The following RPS6KC1 variants were observed in gnomAD, a reference collection of about 807,000 sequenced individuals.
RPS6KC1 encodes inactive ribosomal protein S6 kinase delta-1.
RPS6KC1 carries 54 observed loss-of-function variants against 103.8 expected under a neutral mutation model. That is an observed-to-expected ratio of 0.52 (90% CI 0.42 to 0.65). The LOEUF (loss-of-function observed/expected upper bound fraction) is 0.65. Ranked by LOEUF, RPS6KC1 falls within the 30% of genes least tolerant of loss-of-function variation. The pLI, the probability that RPS6KC1 is intolerant of heterozygous loss-of-function variation, is 0.00. For synonymous variants in RPS6KC1, 439 were observed against 438.7 expected (o/e 1.00, Z -0.01); for missense variants, 1,151 against 1,253.8 (o/e 0.92, Z 1.24).
chr1:213,733,483 T>C, the RPS6KC1 span, among the ~76,000 whole-genome samples: 11 of 151,834 alleles, frequency 7.2e-5, no homozygotes, highest in Admixed American at 7.2e-4. Context: ...GCGATCATCC[T>C]GCTTTGGCCT....
chr1:213,671,487 T>C, the RPS6KC1 span, among the ~76,000 whole-genome samples: 4 of 152,140 alleles, frequency 2.6e-5, no homozygotes, highest in Non-Finnish European at 5.9e-5. Flanking sequence ...GAACAATGCA[T>C]TGAATATTTC....
chr1:213,656,465 G>A, the RPS6KC1 span, among the ~76,000 whole-genome samples: 18 of 152,314 alleles, frequency 1.2e-4, no homozygotes, highest in South Asian at 3.5e-3. Flanking sequence ...AACAGCAGTG[G>A]AGACAGAACT....
chr1:213,604,594 G>T, the RPS6KC1 span, among the ~76,000 whole-genome samples: 1 of 152,176 alleles, frequency 6.6e-6, no homozygotes, highest in Non-Finnish European at 1.5e-5. Flanking sequence ...TCCTTCCAGG[G>T]ACTGGAGTCC....
chr1:213,511,687 A>G, the RPS6KC1 span, among the ~76,000 whole-genome samples: 3 of 152,050 alleles, frequency 2.0e-5, no homozygotes, highest in East Asian at 3.9e-4. Flanking sequence ...CCTCCAATAA[A>G]CTAGAGACTG....
At chr1:213,260,480 T>C (rs1164300215) in intron 12 of RPS6KC1, among the ~76,000 whole-genome samples, 1 of 152,214 alleles carries the variant, frequency 6.6e-6, no homozygotes, top group Non-Finnish European at 1.5e-5. Context: ...GCTCAAGCTA[T>C]TTTGTAAGTT....
At chr1:213,686,652 C>T in the RPS6KC1 span, among the ~76,000 whole-genome samples, 1 of 152,060 alleles carries the variant, frequency 6.6e-6, no homozygotes, top group Non-Finnish European at 1.5e-5. Context: ...AGGGAGGTTC[C>T]ATCTTTTTGT....
chr1:213,591,337 G>A, the RPS6KC1 span, among the ~76,000 whole-genome samples: 6 of 152,128 alleles, frequency 3.9e-5, no homozygotes, highest in East Asian at 1.2e-3. Context: ...CAAAACCCCC[G>A]AAGTTTACTC....
At chr1:213,246,589 ATCATTTGAT>A (rs1290728912) in intron 12 of RPS6KC1, among the ~76,000 whole-genome samples, 1 of 152,294 alleles carries the variant, frequency 6.6e-6, no homozygotes, top group East Asian at 1.9e-4. Context: ...TATGTGCTTT[ATCATTTGAT>A]TTATTAACTT....
At chr1:213,247,135 G>A (rs182243699) in intron 12 of RPS6KC1, among the ~76,000 whole-genome samples, 2 of 152,234 alleles carry the variant, frequency 1.3e-5, no homozygotes, top group Admixed American at 1.3e-4. Context: ...TTTCACACTT[G>A]AGAATTTATA....
intron 14 of RPS6KC1, among the ~76,000 whole-genome samples, chr1:213,263,462 T>G (rs2094844709): frequency 6.6e-6 from 1 of 152,234 alleles, no homozygotes; most frequent in Non-Finnish European, 1.5e-5. Flanking sequence ...TATTGAGGGT[T>G]GTTAGTACTC....
At chr1:213,634,568 A>G in the RPS6KC1 span, among the ~76,000 whole-genome samples, 1 of 152,240 alleles carries the variant, frequency 6.6e-6, no homozygotes, top group Non-Finnish European at 1.5e-5. Flanking sequence ...TCTCTGGGAC[A>G]CATTTAAAGC....
the RPS6KC1 span, among the ~76,000 whole-genome samples, chr1:213,693,549 G>A: frequency 1.3e-5 from 2 of 152,208 alleles, no homozygotes; most frequent in African/African-American, 2.4e-5. Flanking sequence ...AAGGAAGAGG[G>A]ATCGGGAAAG....
At chr1:213,425,856 G>A in the RPS6KC1 span, among the ~76,000 whole-genome samples, 90 of 152,262 alleles carry the variant, frequency 5.9e-4, 1 homozygote, top group African/African-American at 8.2e-4. Flanking sequence ...GGTGGTGGTG[G>A]CCGGGGCGGA....
At chr1:213,178,875 C>T (rs1038975052) in intron 8 of RPS6KC1, among the ~76,000 whole-genome samples, 1 of 151,924 alleles carries the variant, frequency 6.6e-6, no homozygotes, top group African/African-American at 2.4e-5. Context: ...ACCACCATGC[C>T]TGGCTAATAG....
In RPS6KC1 at chr1:213,272,842, C is replaced by T. The variant is rs180936383; in HGVS notation, c.*208C>T. ...TAATTGTGCCAGGGGCTGTTATATACATATATACACAACCAAGGTGTGATC... is the reference window on the plus strand; with the variant it reads ...TAATTGTGCCAGGGGCTGTTATATATATATATACACAACCAAGGTGTGATC... On this transcript the variant is annotated 3_prime_UTR_variant, in exon 15 of 15. Coordinates refer to ENST00000366960, the MANE Select transcript of RPS6KC1 (RefSeq NM_012424.6). The T allele has an allele frequency of 5.9e-4, 248 of 422,896 alleles. No homozygotes were observed. The highest frequency in any genetic ancestry group is 3.2e-3 in the African/African-American group (159 of 50,118). The allele number at this position is 422,896 out of a possible 1,614,324, so 26.2% of individuals were successfully genotyped here.
chr1:213,766,702 T>C, the RPS6KC1 span, among the ~76,000 whole-genome samples: 22 of 152,316 alleles, frequency 1.4e-4, no homozygotes, highest in East Asian at 3.7e-3. Flanking sequence ...ATAGTTTCTA[T>C]AGTAATTATG....
the RPS6KC1 span, among the ~76,000 whole-genome samples, chr1:213,508,020 C>T: frequency 1.3e-5 from 2 of 152,160 alleles, no homozygotes; most frequent in African/African-American, 4.8e-5. Flanking sequence ...AGGCACCATC[C>T]CTTTCAGGTG....
At chr1:213,552,358 G>C in the RPS6KC1 span, among the ~76,000 whole-genome samples, 2 of 152,200 alleles carry the variant, frequency 1.3e-5, no homozygotes, top group Non-Finnish European at 2.9e-5. Flanking sequence ...AGTTCCTGTT[G>C]CTTCACATCC....
the RPS6KC1 span, among the ~76,000 whole-genome samples, chr1:213,733,564 T>TTTTG: frequency 6.6e-6 from 1 of 151,042 alleles, no homozygotes; most frequent in Non-Finnish European, 1.5e-5. Flanking sequence ...TTTTTTTTTT[T>TTTTG]GAGGAAACTC....
Sources: allele counts gnomAD v4.1 joint callset (sites outside exome capture counted in the v4.1 genomes callset), GRCh38; gene constraint gnomAD v4.1.1; transcripts MANE v1.5; gene names NCBI Gene and HGNC (gene_info 2026-07-23, HGNC 2026-07-21).